The following CTNNA3 variants were observed in gnomAD, a reference collection of about 807,000 sequenced individuals.
The protein encoded by CTNNA3 is catenin alpha 3, also known as catenin alpha-3.
Under a neutral mutation model 95.7 loss-of-function variants are expected in CTNNA3, and 76 were observed. That is an observed-to-expected ratio of 0.79 (90% CI 0.66 to 0.96). The LOEUF (loss-of-function observed/expected upper bound fraction) is 0.96. Ranked by LOEUF, CTNNA3 falls within the 40% of genes least tolerant of loss-of-function variation. CTNNA3 has a pLI of 0.00. For synonymous variants in CTNNA3, 431 were observed against 374.4 expected, an observed-to-expected ratio of 1.15 and a Z score of -1.74; for missense variants, 1,191 against 1,089.8, an observed-to-expected ratio of 1.09 and a Z score of -1.31.
chr10:65,963,886 C>G (rs1313976948), intron 17 of CTNNA3, among the ~76,000 whole-genome samples: 1 of 152,098 alleles, frequency 6.6e-6, no homozygotes, highest in Non-Finnish European at 1.5e-5. Context: ...TTTATTAATT[C>G]ATCTTCTTTA....
intron 17 of CTNNA3, among the ~76,000 whole-genome samples, chr10:65,945,878 C>T (rs7100795): frequency 0.022 from 3,281 of 152,150 alleles, 120 homozygotes; most frequent in African/African-American, 0.075. Flanking sequence ...TTACTCTTAC[C>T]GTAATACTCA....
chr10:66,777,501 G>T (rs868094474), intron 7 of CTNNA3, among the ~76,000 whole-genome samples: 7 of 151,976 alleles, frequency 4.6e-5, no homozygotes, highest in Admixed American at 2.0e-4. Flanking sequence ...ACAGATGAAA[G>T]TTGTGGCTAC....
chr10:67,486,968 T>C (rs1848472837), intron 5 of CTNNA3, among the ~76,000 whole-genome samples: 1 of 152,152 alleles, frequency 6.6e-6, no homozygotes, highest in Non-Finnish European at 1.5e-5. Flanking sequence ...TCTCCAGTAA[T>C]ATTGATACCA....
chr10:67,605,485 G>A (rs984914280), intron 3 of CTNNA3, among the ~76,000 whole-genome samples: 1 of 152,008 alleles, frequency 6.6e-6, no homozygotes, highest in Non-Finnish European at 1.5e-5. Flanking sequence ...GCTGTATTCA[G>A]GATTTTTACT....
chr10:66,372,324 A>G (rs928758340), intron 12 of CTNNA3, among the ~76,000 whole-genome samples: 3 of 152,224 alleles, frequency 2.0e-5, no homozygotes, highest in Non-Finnish European at 4.4e-5. Context: ...GGAAAGTAGG[A>G]TCAGAATGAA....
chr10:66,287,532 C>A (rs900014661), intron 12 of CTNNA3, among the ~76,000 whole-genome samples: 4 of 151,824 alleles, frequency 2.6e-5, no homozygotes, highest in Non-Finnish European at 5.9e-5. Context: ...GAATAACCAC[C>A]CTGAGACATA....
intron 5 of CTNNA3, among the ~76,000 whole-genome samples, chr10:67,333,609 A>C (rs1841879562): frequency 1.3e-5 from 2 of 152,208 alleles, no homozygotes; most frequent in South Asian, 4.1e-4. Flanking sequence ...AAATTGAATA[A>C]GGCTGATTCT....
chr10:67,757,769 C>T (rs1037600765), intron 1 of CTNNA3, among the ~76,000 whole-genome samples: 3 of 152,210 alleles, frequency 2.0e-5, no homozygotes, highest in African/African-American at 7.2e-5. Context: ...GGCTTCCTTG[C>T]TCCTCAATCT....
intron 13 of CTNNA3, among the ~76,000 whole-genome samples, chr10:66,221,018 C>A (rs1011728554): frequency 6.6e-6 from 1 of 152,174 alleles, no homozygotes; most frequent in Non-Finnish European, 1.5e-5. Flanking sequence ...CCGCTTCTAC[C>A]CAGTATTTCC....
intron 7 of CTNNA3, among the ~76,000 whole-genome samples, chr10:67,155,502 A>T (rs1861270355): frequency 6.9e-6 from 1 of 144,158 alleles, no homozygotes; most frequent in Non-Finnish European, 1.5e-5. Context: ...ACATGTATAT[A>T]CTATGTATAT....
intron 1 of CTNNA3, chr10:67,750,696 C>T: frequency 6.4e-7 from 1 of 1,561,654 alleles, no homozygotes. Flanking sequence ...AAGCAATGTT[C>T]TTGGATGCCT....
At position 67,294,175 on chromosome 10, in the gene CTNNA3, A is replaced by G. The variant is rs527285049; in HGVS notation, c.580-74305T>C. On this transcript the variant is annotated intron_variant, in intron 5 of 17. Transcript: ENST00000433211. Reference sequence around the variant, plus strand: ...AACACCTCGCTTTTTGAGTGTTCGCACAGTGTTTGGCACTCAGTGGCACTC... The same window carrying G: ...AACACCTCGCTTTTTGAGTGTTCGCGCAGTGTTTGGCACTCAGTGGCACTC... Among the ~76,000 whole-genome samples the G allele has an allele frequency of 2.3e-3, 351 of 152,286 alleles. 3 individuals carry two copies. Among genetic ancestry groups the G allele is most frequent in the African/African-American group, 8.1e-3 (336 of 41,556 alleles).
At chr10:67,702,700 C>A (rs1323906531) in intron 1 of CTNNA3, among the ~76,000 whole-genome samples, 1 of 152,162 alleles carries the variant, frequency 6.6e-6, no homozygotes, top group Non-Finnish European at 1.5e-5. Context: ...GACAACCTAA[C>A]ATCACAATTA....
intron 3 of CTNNA3, among the ~76,000 whole-genome samples, chr10:67,558,264 G>C (rs771903653): frequency 6.6e-6 from 1 of 152,108 alleles, no homozygotes; most frequent in Non-Finnish European, 1.5e-5. Context: ...CCACTAGAAA[G>C]GAGCTGGAAT....
intron 7 of CTNNA3, among the ~76,000 whole-genome samples, chr10:66,908,247 T>C (rs149343705): frequency 1.3e-5 from 2 of 152,342 alleles, no homozygotes; most frequent in African/African-American, 4.8e-5. Flanking sequence ...TTTAGTATAC[T>C]GCTTCTCACA....
At chr10:67,408,254 C>T (rs766185063) in intron 5 of CTNNA3, among the ~76,000 whole-genome samples, 14 of 151,998 alleles carry the variant, frequency 9.2e-5, no homozygotes, top group Admixed American at 2.6e-4. Flanking sequence ...AAAATCAATA[C>T]GGAACCAAAA....
chr10:67,297,101 G>C (rs1268216687), intron 5 of CTNNA3, among the ~76,000 whole-genome samples: 1 of 152,030 alleles, frequency 6.6e-6, no homozygotes, highest in Non-Finnish European at 1.5e-5. Context: ...CATTGTACGT[G>C]GACTCTCTGA....
chr10:65,963,436 T>C lies in CTNNA3; in HGVS notation c.2400+3176A>G, dbSNP rs2077894290. ...CTCCTACAAGTACACATTTGTTTTC[T>C]ACTTATTAACCAAGGCCCAAAACAG... On this transcript the variant is annotated intron_variant, in intron 17 of 17. Coordinates refer to ENST00000433211, the MANE Select transcript of CTNNA3 (RefSeq NM_013266.4). Among the ~76,000 whole-genome samples the C allele has an allele frequency of 2.6e-5, 4 of 152,330 alleles. No individual in the cohort carries two copies. The South Asian group carries it at 8.3e-4, about 32-fold the overall frequency.
At chr10:67,228,028 G>A (rs565308260) in intron 5 of CTNNA3, among the ~76,000 whole-genome samples, 1 of 152,208 alleles carries the variant, frequency 6.6e-6, no homozygotes, top group Admixed American at 6.5e-5. Context: ...AGCAAAGGCG[G>A]TGCTAAGAGG....
Sources: allele counts gnomAD v4.1 joint callset (sites outside exome capture counted in the v4.1 genomes callset), GRCh38; gene constraint gnomAD v4.1.1; transcripts MANE v1.5; gene names NCBI Gene and HGNC (gene_info 2026-07-23, HGNC 2026-07-21).